The following MSI2 variants were observed in gnomAD, a reference collection of about 807,000 sequenced individuals.
MSI2 encodes the protein RNA-binding protein Musashi homolog 2.
Under a neutral mutation model 45.6 loss-of-function variants are expected in MSI2, and 17 were observed. That is an observed-to-expected ratio of 0.37 (90% confidence interval 0.26 to 0.56). The LOEUF (loss-of-function observed/expected upper bound fraction) is 0.56, where lower values mean the gene tolerates loss of function less well. Among genes scored for constraint, MSI2 ranks in the 20% least tolerant of loss-of-function variants. The pLI, the probability that MSI2 is intolerant of heterozygous loss-of-function variation, is 0.77. For synonymous variants in MSI2, 156 were observed against 158.2 expected, an observed-to-expected ratio of 0.99 and a Z score of 0.11; for missense variants, 293 against 444.2, an observed-to-expected ratio of 0.66 and a Z score of 3.06.
At chr17:57,674,624 CTT>C (rs1913086641) in intron 11 of MSI2, among the ~76,000 whole-genome samples, 1 of 152,104 alleles carries the variant, frequency 6.6e-6, no homozygotes. Flanking sequence ...CTCTCTCTCT[CTT>C]CCATATATAT....
At chr17:57,586,425 C>T (rs2088349427) in intron 7 of MSI2, among the ~76,000 whole-genome samples, 2 of 151,974 alleles carry the variant, frequency 1.3e-5, no homozygotes, top group African/African-American at 4.8e-5. Context: ...ATGCCCCCAC[C>T]CTGTCTGTCC....
intron 7 of MSI2, among the ~76,000 whole-genome samples, chr17:57,579,795 T>G (rs542069409): frequency 1.3e-5 from 2 of 152,282 alleles, no homozygotes; most frequent in African/African-American, 2.4e-5. Context: ...CGGTGTACTC[T>G]CTCCTTAAAT....
chr17:57,304,260 G>A (rs1025571458), intron 5 of MSI2, among the ~76,000 whole-genome samples: 1 of 150,586 alleles, frequency 6.6e-6, no homozygotes, highest in Non-Finnish European at 1.5e-5. Context: ...GGGAGGTTGA[G>A]GCAGGAGAAT....
At chr17:57,409,652 G>A (rs1402577587) in intron 6 of MSI2, among the ~76,000 whole-genome samples, 1 of 152,128 alleles carries the variant, frequency 6.6e-6, no homozygotes, top group East Asian at 1.9e-4. Context: ...GAATCTGATG[G>A]AGGGGCTGTT....
intron 6 of MSI2, among the ~76,000 whole-genome samples, chr17:57,447,483 A>T (rs1388656026): frequency 6.6e-6 from 1 of 151,922 alleles, no homozygotes; most frequent in Non-Finnish European, 1.5e-5. Flanking sequence ...GACCTGTTCC[A>T]TGTTTTATCT....
intron 6 of MSI2, among the ~76,000 whole-genome samples, chr17:57,491,084 G>C (rs570662870): frequency 5.3e-5 from 8 of 152,222 alleles, no homozygotes; most frequent in African/African-American, 1.7e-4. Flanking sequence ...GCTTGCAGGT[G>C]TCCTGGCGCT....
intron 10 of MSI2, among the ~76,000 whole-genome samples, chr17:57,643,303 C>A (rs576255534): frequency 6.6e-6 from 1 of 152,356 alleles, no homozygotes; most frequent in South Asian, 2.1e-4. Flanking sequence ...CTCCGCAGCC[C>A]AAGACACCAC....
Position 57,683,780 on chromosome 17 carries a change from A to G in MSI2, c.*4263A>G, listed in dbSNP as rs1913755351. On this transcript the variant is annotated 3_prime_UTR_variant, in exon 14 of 14. Coordinates refer to ENST00000284073, the MANE Select transcript of MSI2 (RefSeq NM_138962.4). This position sits in a 1 kb window ranked among gnomAD's most constrained non-coding sequence, Gnocchi z 5.2. ...CTGACTGCAGGCAAGCACATTGAAGAAAGACACTGGCGGGTTTCCCCACCC... is the reference window on the plus strand; with the variant it reads ...CTGACTGCAGGCAAGCACATTGAAGGAAGACACTGGCGGGTTTCCCCACCC... The G allele has an allele frequency of 4.3e-6, 1 of 232,136 alleles. No individual in the cohort carries two copies. Among genetic ancestry groups the G allele is most frequent in the Non-Finnish European group, 8.5e-6 (1 of 117,530 alleles). 14.4% of individuals were successfully genotyped at this position (232,136 alleles called of 1,614,324 possible).
intron 5 of MSI2, among the ~76,000 whole-genome samples, chr17:57,375,856 A>G (rs2083486571): frequency 6.6e-6 from 1 of 152,110 alleles, no homozygotes; most frequent in Non-Finnish European, 1.5e-5. Flanking sequence ...TTGCCCTTAC[A>G]GGTAGATGTC....
intron 5 of MSI2, among the ~76,000 whole-genome samples, chr17:57,273,464 ATTT>A (rs752793064): frequency 1.5e-4 from 15 of 100,786 alleles, no homozygotes; most frequent in African/African-American, 5.2e-4. Context: ...GTTAAAAATG[ATTT>A]TTTTTTTTTT....
At chr17:57,258,503 C>T in intron 4 of MSI2, 149 bp downstream of exon 4, 1 of 720,062 alleles carries the variant, frequency 1.4e-6, no homozygotes, top group East Asian at 2.5e-5. Flanking sequence ...CAAAAGTTTG[C>T]TGCTGTGGCT....
At chr17:57,300,533 C>G (rs756484958) in intron 5 of MSI2, among the ~76,000 whole-genome samples, 35 of 152,240 alleles carry the variant, frequency 2.3e-4, no homozygotes, top group Non-Finnish European at 4.6e-4. Flanking sequence ...CCATTTTGTA[C>G]TTTCCACTGG....
At chr17:57,616,275 GCA>G in intron 9 of MSI2, 191 bp downstream of exon 9, 3 of 547,474 alleles carry the variant, frequency 5.5e-6, no homozygotes, top group Admixed American at 3.4e-5. Context: ...GTGTGTGTGT[GCA>G]TGCATGTGTG....
intron 6 of MSI2, among the ~76,000 whole-genome samples, chr17:57,423,361 G>C (rs1425394187): frequency 6.6e-6 from 1 of 152,204 alleles, no homozygotes; most frequent in Non-Finnish European, 1.5e-5. Flanking sequence ...GAAATGTAAA[G>C]ACCTGCTAAT....
At chr17:57,656,913 G>C (rs549772282) in intron 11 of MSI2, among the ~76,000 whole-genome samples, 11 of 152,334 alleles carry the variant, frequency 7.2e-5, no homozygotes, top group African/African-American at 2.6e-4. Context: ...AGGTCTCTCA[G>C]AGCTTCTGGA....
chr17:57,446,142 G>A (rs2084896147), intron 6 of MSI2, among the ~76,000 whole-genome samples: 3 of 152,166 alleles, frequency 2.0e-5, no homozygotes, highest in Admixed American at 6.5e-5. Flanking sequence ...CAGAGGGACT[G>A]GGGAGTGGGG....
chr17:57,589,011 C>T (rs2144408810), intron 7 of MSI2, among the ~76,000 whole-genome samples: 1 of 152,288 alleles, frequency 6.6e-6, no homozygotes, highest in South Asian at 2.1e-4. Context: ...TGAGCTTTCT[C>T]TTTTTAACAT....
intron 5 of MSI2, among the ~76,000 whole-genome samples, chr17:57,293,459 G>A (rs1019660062): frequency 2.0e-5 from 3 of 152,146 alleles, no homozygotes; most frequent in African/African-American, 7.2e-5. Context: ...TCCTCACGCT[G>A]CAACAGCGCT....
upstream of MSI2, among the ~76,000 whole-genome samples, chr17:57,256,250 C>T (rs1396508009): frequency 1.1e-4 from 16 of 151,884 alleles, no homozygotes; most frequent in Admixed American, 1.0e-3. Context: ...CGCTCCCCCT[C>T]GCCCTGCGCC....
Sources: allele counts gnomAD v4.1 joint callset (sites outside exome capture counted in the v4.1 genomes callset), GRCh38; gene constraint gnomAD v4.1.1; non-coding constraint Gnocchi (gnomAD v3.1); transcripts MANE v1.5; gene names NCBI Gene and HGNC (gene_info 2026-07-23, HGNC 2026-07-21).